CDH12: variants seen among roughly 807,000 people sequenced by gnomAD.
The protein encoded by CDH12 is cadherin 12, also known as cadherin-12.
A neutral mutation model predicts 74.1 loss-of-function variants in CDH12; 41 were observed. The ratio of observed to expected loss-of-function variants is 0.55; its 90% confidence interval spans 0.43 to 0.72. The LOEUF is 0.72. Among genes scored for constraint, CDH12 ranks in the 30% least tolerant of loss-of-function variants. CDH12 has a pLI of 0.00. For missense variants in CDH12, 945 were observed against 977.2 expected (o/e 0.97, Z 0.44); for synonymous variants, 399 against 355.0 (o/e 1.12, Z -1.39).
At chr5:22,589,534 G>A (rs557000953) in intron 1 of CDH12, among the ~76,000 whole-genome samples, 4 of 152,242 alleles carry the variant, frequency 2.6e-5, no homozygotes, top group African/African-American at 7.2e-5. Flanking sequence ...TTACGTTGAG[G>A]TAATCAAAGA....
intron 2 of CDH12, among the ~76,000 whole-genome samples, chr5:22,425,645 G>C (rs1180167187): frequency 1.3e-5 from 2 of 151,684 alleles, no homozygotes; most frequent in African/African-American, 4.8e-5. Context: ...AGTTAAGATT[G>C]TACCTTGTAT....
At chr5:22,144,471 G>A (rs1296143117) in intron 4 of CDH12, among the ~76,000 whole-genome samples, 1 of 152,140 alleles carries the variant, frequency 6.6e-6, no homozygotes, top group African/African-American at 2.4e-5. Flanking sequence ...AAGACACATA[G>A]ATTTGAACTC....
At chr5:22,500,432 T>G (rs990301243) in intron 2 of CDH12, among the ~76,000 whole-genome samples, 3 of 152,168 alleles carry the variant, frequency 2.0e-5, no homozygotes, top group Non-Finnish European at 4.4e-5. Flanking sequence ...TCATTTTTCA[T>G]AGACTGCCCC....
chr5:21,931,532 A>C (rs939821687), intron 6 of CDH12, among the ~76,000 whole-genome samples: 23 of 152,194 alleles, frequency 1.5e-4, no homozygotes, highest in African/African-American at 5.5e-4. Flanking sequence ...AAAAAAGCAA[A>C]ATGTCACATG....
At chr5:22,752,531 C>CAGATAGGAT (rs1222358635) in intron 1 of CDH12, among the ~76,000 whole-genome samples, 1 of 135,902 alleles carries the variant, frequency 7.4e-6, no homozygotes, top group Non-Finnish European at 1.5e-5. Flanking sequence ...ATGAAGAAAG[C>CAGATAGGAT]AGATAGGATA....
intron 5 of CDH12, among the ~76,000 whole-genome samples, chr5:22,075,276 C>T (rs1338244384): frequency 7.8e-6 from 1 of 127,842 alleles, no homozygotes; most frequent in African/African-American, 3.1e-5. Context: ...CACTCGGACA[C>T]TTGAAGGGGG....
intron 3 of CDH12, among the ~76,000 whole-genome samples, chr5:22,342,300 A>G (rs1739887816): frequency 6.6e-6 from 1 of 152,180 alleles, no homozygotes; most frequent in Non-Finnish European, 1.5e-5. Context: ...TGTTCTCAAT[A>G]CTGTATCACC....
chr5:22,027,907 AG>A (rs1738491211), intron 5 of CDH12, among the ~76,000 whole-genome samples: 1 of 151,988 alleles, frequency 6.6e-6, no homozygotes. Context: ...TTGTGATTTT[AG>A]GGTGTCAATT....
At chr5:22,459,969 A>AAAAT (rs1044788869) in intron 2 of CDH12, among the ~76,000 whole-genome samples, 65 of 152,246 alleles carry the variant, frequency 4.3e-4, no homozygotes, top group African/African-American at 1.4e-3. Context: ...CTTCATCTCA[A>AAAAT]AAATAAATAA....
intron 1 of CDH12, among the ~76,000 whole-genome samples, chr5:22,658,705 G>A (rs756463638): frequency 9.9e-5 from 15 of 152,192 alleles, no homozygotes; most frequent in Admixed American, 4.6e-4. Flanking sequence ...TCAAGAGGTC[G>A]AGTGACTCTT....
At chr5:22,470,349 G>GT (rs747080468) in intron 2 of CDH12, among the ~76,000 whole-genome samples, 2 of 151,674 alleles carry the variant, frequency 1.3e-5, no homozygotes, top group African/African-American at 2.4e-5. Context: ...AAAATTTTTA[G>GT]TTTTTTTCTC....
chr5:22,672,877 T>G (rs1740978123), intron 1 of CDH12, among the ~76,000 whole-genome samples: 1 of 152,152 alleles, frequency 6.6e-6, no homozygotes, highest in Admixed American at 6.5e-5. Context: ...AAAGTCTAAA[T>G]TTATTTTCCT....
intron 1 of CDH12, chr5:22,580,185 G>C: frequency 3.4e-6 from 1 of 292,586 alleles, no homozygotes; most frequent in South Asian, 3.2e-5. Flanking sequence ...GGTACATTTT[G>C]GGTATCCTTC....
intron 4 of CDH12, among the ~76,000 whole-genome samples, chr5:22,177,780 T>C (rs1749421566): frequency 6.6e-6 from 1 of 152,156 alleles, no homozygotes; most frequent in African/African-American, 2.4e-5. Flanking sequence ...GCTTCATGTG[T>C]TCTTTTCTCT....
intron 4 of CDH12, among the ~76,000 whole-genome samples, chr5:22,171,427 T>C (rs535809663): frequency 7.4e-4 from 113 of 152,076 alleles, no homozygotes; most frequent in Non-Finnish European, 1.4e-3. Flanking sequence ...AATTACTTCC[T>C]CTGATAATAT....
intron 1 of CDH12, among the ~76,000 whole-genome samples, chr5:22,719,049 C>G (rs1426084685): frequency 6.6e-6 from 1 of 152,108 alleles, no homozygotes; most frequent in Non-Finnish European, 1.5e-5. Context: ...TTGTGAGGAG[C>G]CCCAAATTGA....
At chr5:22,258,824 T>C (rs929100447) in intron 3 of CDH12, among the ~76,000 whole-genome samples, 10 of 152,260 alleles carry the variant, frequency 6.6e-5, no homozygotes, top group East Asian at 5.8e-4. Flanking sequence ...AGCCTAGGTG[T>C]GTAGGAGGCT....
chr5:22,159,534 G>A (rs1748205380), intron 4 of CDH12, among the ~76,000 whole-genome samples: 1 of 151,968 alleles, frequency 6.6e-6, no homozygotes, highest in African/African-American at 2.4e-5. Flanking sequence ...TTCCTCTCTG[G>A]CAGCTCTCTG....
At chr5:22,833,778 T>G (rs918675896) in intron 1 of CDH12, among the ~76,000 whole-genome samples, 2 of 152,224 alleles carry the variant, frequency 1.3e-5, no homozygotes, top group African/African-American at 2.4e-5. Flanking sequence ...TAAATCAAGA[T>G]GTATTACATT....
Sources: gnomAD v4.1 joint callset for allele counts (sites outside exome capture counted in the v4.1 genomes callset) on GRCh38, gnomAD v4.1.1 for gene constraint, MANE v1.5 for transcripts, NCBI Gene and HGNC (gene_info 2026-07-23, HGNC 2026-07-21) for gene names.